Variants in TRPM3 observed in about 807,000 individuals in gnomAD.
TRPM3 encodes transient receptor potential cation channel subfamily M member 3, also known as long transient receptor potential channel 3.
TRPM3 carries 77 observed loss-of-function variants against 181.2 expected under a neutral mutation model. The observed-to-expected ratio is 0.42, with a 90% CI of 0.35 to 0.51. TRPM3 has a LOEUF of 0.51. Ranked by LOEUF, TRPM3 falls within the 20% of genes least tolerant of loss-of-function variation. The pLI, the probability that TRPM3 is intolerant of heterozygous loss-of-function variation, is 0.01. For synonymous variants in TRPM3, 745 were observed against 796.4 expected, an observed-to-expected ratio of 0.94 and a Z score of 1.09; for missense variants, 1,759 against 2,196.7, an observed-to-expected ratio of 0.80 and a Z score of 3.98.
intron 1 of TRPM3, among the ~76,000 whole-genome samples, chr9:71,405,562 T>A (rs1436957544): frequency 3.3e-5 from 5 of 152,322 alleles, no homozygotes; most frequent in East Asian, 1.9e-4. Flanking sequence ...CCTTTAGGAA[T>A]GTGAAAAAAA....
intron 6 of TRPM3, 97 bp downstream of exon 6, chr9:70,827,750 C>T: frequency 2.8e-6 from 4 of 1,421,620 alleles, no homozygotes; most frequent in Non-Finnish European, 3.8e-6. Context: ...TTAAAACTTG[C>T]TCAAGTTTTT....
At chr9:71,388,971 A>G (rs1374863170) in intron 1 of TRPM3, among the ~76,000 whole-genome samples, 1 of 152,148 alleles carries the variant, frequency 6.6e-6, no homozygotes, top group African/African-American at 2.4e-5. Context: ...CTTTGAGCAC[A>G]AAAGGAGAAA....
At chr9:70,598,777 T>C (rs1471276777) in intron 20 of TRPM3, 107 bp from the exon 21 acceptor site, 9 of 1,306,356 alleles carry the variant, frequency 6.9e-6, no homozygotes, top group Non-Finnish European at 9.5e-6. Flanking sequence ...TTGCTTTGTC[T>C]ACCTATATCT....
intron 1 of TRPM3, among the ~76,000 whole-genome samples, chr9:71,119,757 T>C (rs2073211476): frequency 6.6e-6 from 1 of 152,320 alleles, no homozygotes; most frequent in East Asian, 1.9e-4. Context: ...CTAGTGATTC[T>C]GGAGAAAATG....
At chr9:70,906,116 T>C (rs1589681589) in intron 1 of TRPM3, among the ~76,000 whole-genome samples, 3 of 152,156 alleles carry the variant, frequency 2.0e-5, no homozygotes, top group African/African-American at 7.2e-5. Context: ...AAGTATGATT[T>C]TGTTCTTCCT....
intron 1 of TRPM3, among the ~76,000 whole-genome samples, chr9:71,178,675 C>T (rs753292517): frequency 6.6e-5 from 10 of 151,984 alleles, no homozygotes; most frequent in East Asian, 1.9e-4. Context: ...ATCACTAAAA[C>T]GCAGGAAAAT....
intron 20 of TRPM3, among the ~76,000 whole-genome samples, chr9:70,600,204 G>GC: frequency 6.6e-6 from 1 of 152,164 alleles, no homozygotes; most frequent in African/African-American, 2.4e-5. Flanking sequence ...ACTTAGTGAA[G>GC]CTGTGCACCA....
chr9:71,300,955 T>C (rs1326951485), intron 1 of TRPM3, among the ~76,000 whole-genome samples: 3 of 152,162 alleles, frequency 2.0e-5, no homozygotes, highest in Non-Finnish European at 4.4e-5. Context: ...GTGTGATTTG[T>C]ACATATTCAA....
intron 1 of TRPM3, among the ~76,000 whole-genome samples, chr9:71,241,625 A>T (rs2081691905): frequency 6.6e-6 from 1 of 152,114 alleles, no homozygotes; most frequent in African/African-American, 2.4e-5. Flanking sequence ...GTGCACATGT[A>T]CCCTAAAACT....
chr9:70,999,360 T>A (rs963374750), intron 1 of TRPM3, among the ~76,000 whole-genome samples: 3 of 152,220 alleles, frequency 2.0e-5, no homozygotes, highest in African/African-American at 7.2e-5. Context: ...GGCCAGAATT[T>A]AGCATCATTC....
intron 1 of TRPM3, among the ~76,000 whole-genome samples, chr9:71,088,415 T>C (rs72731776): frequency 0.011 from 1,707 of 152,170 alleles, 12 homozygotes; most frequent in Non-Finnish European, 0.018. Flanking sequence ...AAATCTAGTA[T>C]ATCATATTTT....
intron 6 of TRPM3, among the ~76,000 whole-genome samples, chr9:70,819,354 T>C (rs1482511774): frequency 6.6e-6 from 1 of 152,198 alleles, no homozygotes; most frequent in Non-Finnish European, 1.5e-5. Flanking sequence ...ATAAAACATA[T>C]TTTTGCAGAT....
chr9:70,584,913 G>A (rs997037191), intron 22 of TRPM3, among the ~76,000 whole-genome samples: 4 of 152,214 alleles, frequency 2.6e-5, no homozygotes, highest in South Asian at 4.1e-4. Context: ...ACTATATCTG[G>A]GGTGCAGAGT....
At chr9:70,596,379 A>G (rs890444745) in intron 21 of TRPM3, among the ~76,000 whole-genome samples, 3 of 152,216 alleles carry the variant, frequency 2.0e-5, no homozygotes, top group Non-Finnish European at 4.4e-5. Context: ...ACATACACAG[A>G]GCTGTTCCAT....
chr9:71,321,171 T>A (rs116241977), intron 1 of TRPM3, among the ~76,000 whole-genome samples: 1 of 152,226 alleles, frequency 6.6e-6, no homozygotes, highest in South Asian at 2.1e-4. Context: ...ACACAAACCA[T>A]CCCTTCCTAC....
intron 1 of TRPM3, among the ~76,000 whole-genome samples, chr9:70,973,722 C>T (rs528551745): frequency 3.8e-4 from 58 of 152,310 alleles, no homozygotes; most frequent in African/African-American, 1.3e-3. Flanking sequence ...TATTAAACAT[C>T]ACTCACCTAG....
At chr9:70,983,394 G>T (rs1197973593) in intron 1 of TRPM3, among the ~76,000 whole-genome samples, 2 of 151,920 alleles carry the variant, frequency 1.3e-5, no homozygotes, top group Admixed American at 6.6e-5. Flanking sequence ...GTGCCTACCA[G>T]ATATACAGAC....
chr9:71,221,490 T>A (rs557957101), intron 1 of TRPM3, among the ~76,000 whole-genome samples: 229 of 152,230 alleles, frequency 1.5e-3, no homozygotes, highest in African/African-American at 4.4e-3. Context: ...TTATGTTTTT[T>A]AAAAAAAATA....
At chr9:71,236,857 G>A (rs1056614259) in intron 1 of TRPM3, among the ~76,000 whole-genome samples, 1 of 152,094 alleles carries the variant, frequency 6.6e-6, no homozygotes, top group African/African-American at 2.4e-5. Context: ...GGCTAGCCTG[G>A]CCAACATGGC....
Sources: allele counts gnomAD v4.1 joint callset (sites outside exome capture counted in the v4.1 genomes callset), GRCh38; gene constraint gnomAD v4.1.1; transcripts MANE v1.5; gene names NCBI Gene and HGNC (gene_info 2026-07-23, HGNC 2026-07-21).